Variants in PRKG1 observed in about 807,000 individuals in gnomAD.
The protein encoded by PRKG1 is cGMP-dependent protein kinase 1.
A neutral mutation model predicts 88.1 loss-of-function variants in PRKG1; 35 were observed. The observed-to-expected ratio is 0.40, with a 90% confidence interval of 0.30 to 0.53. PRKG1 has a LOEUF of 0.53. Among genes scored for constraint, PRKG1 ranks in the 20% least tolerant of loss-of-function variants. PRKG1 has a pLI of 0.59. For synonymous variants in PRKG1, 303 were observed against 292.5 expected (o/e 1.04, Z -0.37); for missense variants, 540 against 839.8 (o/e 0.64, Z 4.41).
chr10:51,426,969 TC>T (rs1346743967), intron 2 of PRKG1, among the ~76,000 whole-genome samples: 2 of 152,224 alleles, frequency 1.3e-5, no homozygotes, highest in African/African-American at 4.8e-5. Context: ...TCACTTAATC[TC>T]AAGGTTTGTC....
chr10:52,048,032 C>T (rs1454691454), intron 5 of PRKG1, among the ~76,000 whole-genome samples: 1 of 151,902 alleles, frequency 6.6e-6, no homozygotes, highest in Non-Finnish European at 1.5e-5. Context: ...ATAAAGCGGG[C>T]ATACAAAGGT....
chr10:51,610,702 A>G (rs1332447970), intron 3 of PRKG1, among the ~76,000 whole-genome samples: 1 of 152,204 alleles, frequency 6.6e-6, no homozygotes, highest in African/African-American at 2.4e-5. Context: ...GCATAAAAGG[A>G]CACTATGCCA....
chr10:52,059,880 C>A (rs962226377), intron 6 of PRKG1, among the ~76,000 whole-genome samples: 12 of 151,796 alleles, frequency 7.9e-5, no homozygotes, highest in African/African-American at 2.7e-4. Context: ...TTTCAAAAAT[C>A]AAGTATCTAG....
At chr10:51,964,387 C>T (rs1242717967) in intron 5 of PRKG1, among the ~76,000 whole-genome samples, 2 of 152,152 alleles carry the variant, frequency 1.3e-5, no homozygotes, top group Non-Finnish European at 2.9e-5. Flanking sequence ...AGTTTAATGA[C>T]AGCATTGAAT....
chr10:51,138,583 A>T (rs1229317263), intron 1 of PRKG1, among the ~76,000 whole-genome samples: 1 of 151,620 alleles, frequency 6.6e-6, no homozygotes, highest in Admixed American at 6.6e-5. Flanking sequence ...CTTACTACAA[A>T]TATGGCAGTC....
At chr10:51,279,152 G>T (rs1010141132) in intron 2 of PRKG1, among the ~76,000 whole-genome samples, 1 of 152,106 alleles carries the variant, frequency 6.6e-6, no homozygotes. Flanking sequence ...CTGGTATGTT[G>T]TGTCTTTGTT....
rs560130122 is a variant in PRKG1 at position 51,413,485 on chromosome 10, G to T, written c.479-54238G>T. On this transcript the variant is annotated intron_variant, in intron 2 of 17. Coordinates refer to ENST00000373980, the MANE Select transcript of PRKG1 (RefSeq NM_006258.4). Reference sequence around the variant, plus strand: ...AGTCATTCTCCTGCCTCACCCTCCTGAGTAGCTTGGATTACAGGCACACAC... The same window carrying T: ...AGTCATTCTCCTGCCTCACCCTCCTTAGTAGCTTGGATTACAGGCACACAC... Among the ~76,000 whole-genome samples the T allele has an allele frequency of 7.2e-5, 11 of 152,000 alleles. No individual in the cohort carries two copies. The East Asian group carries it at 1.6e-3, about 22-fold the overall frequency.
chr10:51,908,735 T>TC (rs778365205), intron 5 of PRKG1: 18 of 77,852 alleles, frequency 2.3e-4, no homozygotes, highest in African/African-American at 9.1e-4. Context: ...CTATATGTAA[T>TC]TTTTTTTTTT....
intron 4 of PRKG1, among the ~76,000 whole-genome samples, chr10:51,824,096 A>G (rs1205817015): frequency 5.9e-5 from 9 of 151,976 alleles, no homozygotes; most frequent in Non-Finnish European, 1.3e-4. Flanking sequence ...CTGGTCTTGA[A>G]TTCCTGGGCT....
intron 3 of PRKG1, among the ~76,000 whole-genome samples, chr10:51,598,041 T>TA (rs1016470022): frequency 1.3e-5 from 2 of 152,192 alleles, no homozygotes; most frequent in Admixed American, 1.3e-4. Context: ...GCTATAAATC[T>TA]AAAAAAACTA....
At chr10:51,236,251 C>A (rs1423234621) in intron 2 of PRKG1, among the ~76,000 whole-genome samples, 1 of 152,114 alleles carries the variant, frequency 6.6e-6, no homozygotes, top group Non-Finnish European at 1.5e-5. Flanking sequence ...AATTTGATAA[C>A]CCTTAACTGC....
At chr10:51,916,089 G>A (rs1374111302) in intron 5 of PRKG1, among the ~76,000 whole-genome samples, 2 of 152,130 alleles carry the variant, frequency 1.3e-5, no homozygotes, top group Non-Finnish European at 2.9e-5. Flanking sequence ...GTTGTCAGAG[G>A]TGTGTGAGCC....
chr10:51,554,227 CAT>C (rs1837242806), intron 3 of PRKG1, among the ~76,000 whole-genome samples: 1 of 142,192 alleles, frequency 7.0e-6, no homozygotes. Context: ...ATTATATATG[CAT>C]ATATGATATG....
In PRKG1 at chr10:51,101,734, A is replaced by G. The variant is rs976662284; in HGVS notation, c.311+26833A>G. 5.3e-5 allele frequency among the ~76,000 whole-genome samples: 8 copies of G among 152,298 alleles called. No homozygotes were observed. In the East Asian group the frequency reaches 5.8e-4, roughly 11 times the overall value. ...GAGAACATGTTGGAAGCTGAAAAGG[A>G]TGGAAGAGAGAGAAACTTCTGATTA... is the stretch of plus-strand genomic sequence containing the variant. On this transcript the variant is annotated intron_variant, in intron 1 of 17. Transcript: ENST00000373980.
intron 3 of PRKG1, among the ~76,000 whole-genome samples, chr10:51,782,032 T>C (rs1015428517): frequency 7.4e-4 from 113 of 152,020 alleles, no homozygotes; most frequent in African/African-American, 2.6e-3. Context: ...ATGCAAGTCT[T>C]AAGTATTGTA....
rs796158929 is a variant in PRKG1 at position 51,745,866 on chromosome 10, CA to C, written c.593-58718del. ...TCTACTAAAAATACAAAAAAATACACAGGGGTCTCATGATGTCACCCAGGCT... is the reference window on the plus strand; with the variant it reads ...TCTACTAAAAATACAAAAAAATACACGGGGTCTCATGATGTCACCCAGGCT... On this transcript the variant is annotated intron_variant, in intron 3 of 17. Transcript: ENST00000373980. Among the ~76,000 whole-genome samples, 49 of 152,150 alleles carry C rather than the reference CA, an allele frequency of 3.2e-4. 1 individual carries two copies. In the South Asian group the frequency reaches 9.9e-3, roughly 31 times the overall value.
intron 12 of PRKG1, among the ~76,000 whole-genome samples, chr10:52,280,187 ATT>A (rs1841971239): frequency 1.3e-5 from 2 of 152,150 alleles, no homozygotes; most frequent in Non-Finnish European, 2.9e-5. Context: ...GGAAATAGAT[ATT>A]GTTTGTTTTG....
intron 2 of PRKG1, among the ~76,000 whole-genome samples, chr10:51,408,914 T>G (rs1837999641): frequency 6.6e-6 from 1 of 152,224 alleles, no homozygotes. Context: ...TTTTGACCAC[T>G]CAGAGAGGTC....
Position 52,062,533 on chromosome 10 carries a change from G to A in PRKG1, c.841-4G>A. 1 of 1,558,300 alleles carries A rather than the reference G, an allele frequency of 6.4e-7. No homozygotes were observed. The highest frequency in any genetic ancestry group is 8.7e-7 in the Non-Finnish European group (1 of 1,151,352). On this transcript the variant is annotated splice_polypyrimidine_tract_variant and splice_region_variant and intron_variant, in intron 6 of 17. Transcript: ENST00000373980. ...ATCTAAACTTTCATTGTTTCTCTTT[G>A]CAGGTAAATGTCACTCGTGAAGACT...
Sources: gnomAD v4.1 joint callset for allele counts (sites outside exome capture counted in the v4.1 genomes callset) on GRCh38, gnomAD v4.1.1 for gene constraint, MANE v1.5 for transcripts, NCBI Gene and HGNC (gene_info 2026-07-23, HGNC 2026-07-21) for gene names.